FHIP1A: variants seen among roughly 807,000 people sequenced by gnomAD.
FHIP1A encodes the protein FHF complex subunit HOOK-interacting protein 1A.
A neutral mutation model predicts 88.6 loss-of-function variants in FHIP1A; 61 were observed. The ratio of observed to expected loss-of-function variants is 0.69; its 90% CI spans 0.56 to 0.85. The LOEUF is 0.85. FHIP1A is among the 40% of genes least tolerant of loss of function. The probability of loss-of-function intolerance (pLI) is 0.00; values close to 1 mark genes in which losing one functional copy is unlikely to be tolerated. For synonymous variants in FHIP1A, 478 were observed against 496.0 expected (o/e 0.96, Z 0.48); for missense variants, 1,154 against 1,273.5 (o/e 0.91, Z 1.43).
At chr4:151,567,628 G>A (rs967182266) in intron 4 of FHIP1A, among the ~76,000 whole-genome samples, 8 of 152,110 alleles carry the variant, frequency 5.3e-5, no homozygotes, top group African/African-American at 1.7e-4. Flanking sequence ...TCTCCAAGGC[G>A]AGGTGGTGAA....
At chr4:151,617,605 G>T (rs1329469242) in intron 7 of FHIP1A, among the ~76,000 whole-genome samples, 1 of 152,166 alleles carries the variant, frequency 6.6e-6, no homozygotes, top group Non-Finnish European at 1.5e-5. Context: ...ACTCATCTGG[G>T]CCAGGCGCGG....
intron 1 of FHIP1A, among the ~76,000 whole-genome samples, chr4:151,422,999 C>T (rs139062252): frequency 5.3e-5 from 8 of 152,090 alleles, no homozygotes; most frequent in Middle Eastern, 6.3e-3. Flanking sequence ...GCTTTCTAGC[C>T]GTGAGAGTGA....
At chr4:151,588,978 A>C in intron 7 of FHIP1A, 52 bp downstream of exon 7, 2 of 1,175,966 alleles carry the variant, frequency 1.7e-6, no homozygotes, top group Non-Finnish European at 2.5e-6. Context: ...AGTGATGGAC[A>C]CTGAGGAGGG....
intron 2 of FHIP1A, among the ~76,000 whole-genome samples, chr4:151,479,788 G>A (rs1238962395): frequency 6.6e-6 from 1 of 152,004 alleles, no homozygotes; most frequent in Non-Finnish European, 1.5e-5. Context: ...GTGCTTTTGT[G>A]TACTCCCTGC....
chr4:151,452,271 C>T (rs1728816338), intron 1 of FHIP1A, among the ~76,000 whole-genome samples: 1 of 152,176 alleles, frequency 6.6e-6, no homozygotes, highest in Non-Finnish European at 1.5e-5. Context: ...TGTCAATGCT[C>T]ATTTGAAAAA....
At chr4:151,661,699 A>G (rs1452452016) in intron 13 of FHIP1A, among the ~76,000 whole-genome samples, 1 of 152,234 alleles carries the variant, frequency 6.6e-6, no homozygotes, top group African/African-American at 2.4e-5. Flanking sequence ...CATTTTAATT[A>G]GTAAAAACTG....
intron 13 of FHIP1A, among the ~76,000 whole-genome samples, chr4:151,657,283 G>T (rs1177961505): frequency 4.6e-5 from 7 of 152,146 alleles, no homozygotes; most frequent in Non-Finnish European, 4.4e-5. Context: ...GAGGGCATGT[G>T]TTCTCTTTAT....
At chr4:151,596,431 T>C (rs1166634529) in intron 7 of FHIP1A, among the ~76,000 whole-genome samples, 1 of 152,196 alleles carries the variant, frequency 6.6e-6, no homozygotes, top group Non-Finnish European at 1.5e-5. Flanking sequence ...TAGCTTGACC[T>C]TTCTCTCTGG....
chr4:151,481,397 A>G (rs1215268032), intron 2 of FHIP1A, among the ~76,000 whole-genome samples: 5 of 152,072 alleles, frequency 3.3e-5, no homozygotes, highest in African/African-American at 1.2e-4. Context: ...AAAGTTTTTA[A>G]TGGCCAACAG....
chr4:151,472,671 TC>T (rs1729566673), intron 2 of FHIP1A, among the ~76,000 whole-genome samples: 1 of 151,064 alleles, frequency 6.6e-6, no homozygotes, highest in Non-Finnish European at 1.5e-5. Flanking sequence ...TAATGTTTAC[TC>T]TGTCAGGGAT....
intron 1 of FHIP1A, among the ~76,000 whole-genome samples, chr4:151,421,765 C>G (rs188332555): frequency 6.6e-6 from 1 of 152,042 alleles, no homozygotes; most frequent in Non-Finnish European, 1.5e-5. Context: ...CTAGACCTAG[C>G]TAGTTCCTTC....
intron 3 of FHIP1A, among the ~76,000 whole-genome samples, chr4:151,509,369 A>G (rs1435562782): frequency 6.6e-6 from 1 of 151,758 alleles, no homozygotes; most frequent in East Asian, 1.9e-4. Context: ...GTTTCATCAC[A>G]TTAGCCAGGA....
intron 1 of FHIP1A, among the ~76,000 whole-genome samples, chr4:151,411,347 A>ATTTTTTT (rs33972159): frequency 4.5e-5 from 6 of 132,202 alleles, no homozygotes; most frequent in South Asian, 2.3e-4. Context: ...AATTATATAT[A>ATTTTTTT]TATTTTTTTT....
chr4:151,582,220 AGGTGTT>A (rs1560781871), intron 5 of FHIP1A, among the ~76,000 whole-genome samples: 1 of 152,188 alleles, frequency 6.6e-6, no homozygotes, highest in African/African-American at 2.4e-5. Flanking sequence ...AGTCCCTACC[AGGTGTT>A]ATGCTGCGAG....
intron 7 of FHIP1A, among the ~76,000 whole-genome samples, chr4:151,599,191 T>C (rs1220095610): frequency 6.6e-6 from 1 of 152,254 alleles, no homozygotes; most frequent in African/African-American, 2.4e-5. Flanking sequence ...ATAGGTAATA[T>C]AGGAATTAGA....
chr4:151,452,985 T>C (rs1728845720), intron 1 of FHIP1A, among the ~76,000 whole-genome samples: 1 of 147,216 alleles, frequency 6.8e-6, no homozygotes, highest in South Asian at 2.1e-4. Context: ...CAAACATACA[T>C]TGATATTTTA....
chr4:151,505,283 G>A (rs1174599548), intron 3 of FHIP1A, among the ~76,000 whole-genome samples: 3 of 152,232 alleles, frequency 2.0e-5, no homozygotes, highest in South Asian at 2.1e-4. Flanking sequence ...GCCTACTTTC[G>A]TGATGATGAA....
At chr4:151,508,686 CTT>C (rs921155430) in intron 3 of FHIP1A, among the ~76,000 whole-genome samples, 1 of 152,160 alleles carries the variant, frequency 6.6e-6, no homozygotes, top group African/African-American at 2.4e-5. Flanking sequence ...GAATCATGGG[CTT>C]ACCAAAAATA....
chr4:151,509,755 ATGTT>A (rs932132491), intron 3 of FHIP1A, among the ~76,000 whole-genome samples: 1 of 121,250 alleles, frequency 8.2e-6, no homozygotes, highest in African/African-American at 3.5e-5. Flanking sequence ...TACTGTCTCT[ATGTT>A]TGTGTGTGTG....
Sources: gnomAD v4.1 joint callset for allele counts (sites outside exome capture counted in the v4.1 genomes callset) on GRCh38, gnomAD v4.1.1 for gene constraint, MANE v1.5 for transcripts, NCBI Gene and HGNC (gene_info 2026-07-23, HGNC 2026-07-21) for gene names.